Variants in KIF13A observed in about 807,000 individuals in gnomAD.
The protein encoded by KIF13A is kinesin family member 13A.
KIF13A carries 79 observed loss-of-function variants against 212.2 expected under a neutral mutation model. The observed-to-expected ratio is 0.37, with a 90% confidence interval of 0.31 to 0.45. KIF13A has a LOEUF of 0.45. KIF13A is among the 20% of genes least tolerant of loss of function. KIF13A has a pLI of 1.00. For missense variants in KIF13A, 1,901 were observed against 2,209.0 expected, an observed-to-expected ratio of 0.86 and a Z score of 2.79; for synonymous variants, 789 against 808.6, an observed-to-expected ratio of 0.98 and a Z score of 0.41.
chr6:17,881,935 G>A (rs1222975542), intron 3 of KIF13A: 1 of 445,384 alleles, frequency 2.2e-6, no homozygotes, highest in South Asian at 1.6e-5. Flanking sequence ...GACTGAGGTT[G>A]CAGTGAGCTG....
chr6:17,954,144 C>T (rs1778130330), intron 2 of KIF13A, among the ~76,000 whole-genome samples: 1 of 151,196 alleles, frequency 6.6e-6, no homozygotes, highest in African/African-American at 2.4e-5. Context: ...CTAAAAATAC[C>T]AAAAAAATTA....
At chr6:17,981,290 C>A (rs973667438) in intron 2 of KIF13A, among the ~76,000 whole-genome samples, 21 of 151,684 alleles carry the variant, frequency 1.4e-4, no homozygotes, top group Middle Eastern at 6.8e-3. Context: ...TTTTTCATAA[C>A]CTTTGAAATA....
intron 2 of KIF13A, among the ~76,000 whole-genome samples, chr6:17,970,499 T>C (rs1296506400): frequency 6.6e-6 from 1 of 152,162 alleles, no homozygotes; most frequent in Non-Finnish European, 1.5e-5. Flanking sequence ...CCAATGGCAG[T>C]GTGAAAGTAA....
chr6:17,987,313 C>A lies in KIF13A; in HGVS notation c.55+96G>T. ...CGCCGCCTCCGCCCCGGCCCCCCGG[C>A]CCCGGCCGCGCTCTCGCCGTCCCGG... On this transcript the variant is annotated intron_variant, in intron 1 of 38. Coordinates refer to ENST00000259711, the MANE Select transcript of KIF13A (RefSeq NM_022113.6). The surrounding 1 kb of genome is among the most constrained non-coding windows in gnomAD (Gnocchi z 7.7). 1 of 992,506 alleles carries A rather than the reference C, an allele frequency of 1.0e-6. No individual in the cohort carries two copies. The highest frequency in any genetic ancestry group is 1.3e-6 in the Non-Finnish European group (1 of 760,214). The allele number at this position is 992,506 out of a possible 1,614,324, so 61.5% of individuals were successfully genotyped here. A position where few individuals can be genotyped will look rare whatever the true frequency, so the allele number is the denominator to read the frequency against.
Position 17,804,452 on chromosome 6 carries a change from T to C in KIF13A, c.2363A>G (p.Asn788Ser), listed in dbSNP as rs377522532. ...DPFYEAQENH[N>S]LIGVANVFLE... ...GAATACATTCGCCACCCCGATGAGG[T>C]TGTGATTTTCTTGGGCTTCATAGAA... The change falls in exon 20 of 39, where the codon AAC becomes AGC. Residue 788 changes from asparagine to serine, a missense_variant. Around this residue, in one of 5 missense-constraint regions of KIF13A, gnomAD observed 534 missense variants for 536.9 expected, o/e 0.99. Coordinates refer to ENST00000259711, the MANE Select transcript of KIF13A (RefSeq NM_022113.6). 8.8e-6 allele frequency: 14 copies of C among 1,587,560 alleles called. No individual in the cohort carries two copies. Among genetic ancestry groups the C allele is most frequent in the South Asian group, 1.2e-5 (1 of 86,730 alleles).
chr6:17,899,803 A>C lies in KIF13A; in HGVS notation c.147-1623T>G, dbSNP rs1219685104. On this transcript the variant is annotated intron_variant, in intron 2 of 38. Transcript: ENST00000259711. This position sits in a 1 kb window ranked among gnomAD's most constrained non-coding sequence, Gnocchi z 5.2. ...TTGTATGTCTACCCTTTAAAACAAG[A>C]TAAACATTTATAGAGGTTATAAATA... 6.6e-6 allele frequency among the ~76,000 whole-genome samples: 1 copy of C among 152,224 alleles called. No individual in the cohort carries two copies. The highest frequency in any genetic ancestry group is 2.4e-5 in the African/African-American group (1 of 41,458).
rs1013192230 is a variant in KIF13A, at chr6:17,938,147, G to A, written c.147-39967C>T. Among the ~76,000 whole-genome samples, 11 of 152,182 alleles carry A rather than the reference G, an allele frequency of 7.2e-5. 1 individual carries two copies. In the East Asian group the frequency reaches 1.5e-3, roughly 21 times the overall value. The stretch of plus-strand genomic sequence containing the variant: ...TGGCCTCAAGTGATCTTCTCACCTA[G>A]GCCTCCCAAAGTGCTGGGATTACAG... On this transcript the variant is annotated intron_variant, in intron 2 of 38. Transcript: ENST00000259711.
intron 2 of KIF13A, among the ~76,000 whole-genome samples, chr6:17,975,653 G>A (rs543926616): frequency 3.9e-5 from 6 of 152,286 alleles, no homozygotes; most frequent in African/African-American, 1.4e-4. Flanking sequence ...CCTGCTGATT[G>A]GTAGAGCCCA....
chr6:17,842,848 A>G (rs1313826802), intron 9 of KIF13A, among the ~76,000 whole-genome samples: 2 of 152,260 alleles, frequency 1.3e-5, no homozygotes, highest in Middle Eastern at 6.8e-3. Context: ...AAACCGAGTT[A>G]TAATCCAACT....
At position 17,771,486 on chromosome 6, in the gene KIF13A, G is replaced by T; in HGVS notation, c.4477-268C>A. The T allele has an allele frequency of 2.3e-6, 1 of 433,362 alleles. No individual in the cohort carries two copies. 26.8% of individuals were successfully genotyped at this position (433,362 alleles called of 1,614,324 possible). Reference sequence around the variant, plus strand: ...TCATGCCTGCAATCCCAGTGCCTTGGGAGGCTGGGGCAAAAGAATCACTTG... The same window carrying T: ...TCATGCCTGCAATCCCAGTGCCTTGTGAGGCTGGGGCAAAAGAATCACTTG... On this transcript the variant is annotated intron_variant, in intron 37 of 38. Coordinates refer to ENST00000259711, the MANE Select transcript of KIF13A (RefSeq NM_022113.6). The surrounding 1 kb of genome is among the most constrained non-coding windows in gnomAD (Gnocchi z 5.4).
At chr6:17,796,874 T>G (rs1009562369) in intron 22 of KIF13A, 54 bp from the exon 23 acceptor site, 12 of 1,272,450 alleles carry the variant, frequency 9.4e-6, no homozygotes, top group Middle Eastern at 2.0e-4. Flanking sequence ...TCTGTGAAAT[T>G]TCCTTTTGAC....
At chr6:17,765,049 G>GT in intron 38 of KIF13A, 103 bp from the exon 39 acceptor site, 1 of 851,826 alleles carries the variant, frequency 1.2e-6, no homozygotes, top group Non-Finnish European at 1.8e-6. Context: ...CATTCACATG[G>GT]TGTTCAGTGT....
chr6:17,919,330 T>C lies in KIF13A; in HGVS notation c.147-21150A>G, dbSNP rs1774833312. On this transcript the variant is annotated intron_variant, in intron 2 of 38. Coordinates refer to ENST00000259711, the MANE Select transcript of KIF13A (RefSeq NM_022113.6). The surrounding 1 kb of genome is among the most constrained non-coding windows in gnomAD (Gnocchi z 4.1). Reference sequence around the variant, plus strand: ...GGCCAGTCTTGCACAGGTAAAGTACTATGTACTTAATGCTGCTAAAATAAG... The same window carrying C: ...GGCCAGTCTTGCACAGGTAAAGTACCATGTACTTAATGCTGCTAAAATAAG... 6.6e-6 allele frequency among the ~76,000 whole-genome samples: 1 copy of C among 152,206 alleles called. No individual in the cohort carries two copies. Among genetic ancestry groups the C allele is most frequent in the African/African-American group, 2.4e-5 (1 of 41,444 alleles).
Position 17,811,742 on chromosome 6 carries a change from C to T in KIF13A, c.2001-2812G>A, listed in dbSNP as rs567071905. Among the ~76,000 whole-genome samples, 2 of 152,336 alleles carry T rather than the reference C, an allele frequency of 1.3e-5. No individual in the cohort carries two copies. Among genetic ancestry groups the T allele is most frequent in the Non-Finnish European group, 2.9e-5 (2 of 68,026 alleles). Reference sequence around the variant, plus strand: ...TTTATCCAGTGAAACCTGACAAAATCAATAATGCAACTATTCTTGTCTTTG... The same window carrying T: ...TTTATCCAGTGAAACCTGACAAAATTAATAATGCAACTATTCTTGTCTTTG... On this transcript the variant is annotated intron_variant, in intron 17 of 38. Coordinates refer to ENST00000259711, the MANE Select transcript of KIF13A (RefSeq NM_022113.6). This position sits in a 1 kb window ranked among gnomAD's most constrained non-coding sequence, Gnocchi z 6.0.
rs558483230 is a variant in KIF13A, at chr6:17,915,791, G to A, written c.147-17611C>T. Among the ~76,000 whole-genome samples, 9 of 151,958 alleles carry A rather than the reference G, an allele frequency of 5.9e-5. No homozygotes were observed. The highest frequency in any genetic ancestry group is 1.9e-4 in the East Asian group (1 of 5,160). On this transcript the variant is annotated intron_variant, in intron 2 of 38. Coordinates refer to ENST00000259711, the MANE Select transcript of KIF13A (RefSeq NM_022113.6). This position sits in a 1 kb window ranked among gnomAD's most constrained non-coding sequence, Gnocchi z 4.4. ...AGCCTGGGCAACATGACAAAACACC[G>A]TCTCTACTAAAAAGACAAAAATTAG... is the stretch of plus-strand genomic sequence containing the variant.
intron 2 of KIF13A, among the ~76,000 whole-genome samples, chr6:17,921,141 G>A (rs1297517419): frequency 6.6e-6 from 1 of 152,208 alleles, no homozygotes; most frequent in Non-Finnish European, 1.5e-5. Flanking sequence ...GTAGTTCAGA[G>A]TAGGGGGTCC....
rs1318437587 is a variant in KIF13A at position 17,872,466 on chromosome 6, C to A, written c.220+911G>T. Among the ~76,000 whole-genome samples the A allele has an allele frequency of 6.6e-6, 1 of 152,046 alleles. No homozygotes were observed. The highest frequency in any genetic ancestry group is 2.4e-5 in the African/African-American group (1 of 41,376). ...ATAGTTAATAACAACGTACTGTATT[C>A]CTGAAAATTGCTAACTGAGTAGACT... On this transcript the variant is annotated intron_variant, in intron 4 of 38. Transcript: ENST00000259711. The surrounding 1 kb of genome is among the most constrained non-coding windows in gnomAD (Gnocchi z 4.7).
At chr6:17,889,786 C>T (rs567080733) in intron 3 of KIF13A, among the ~76,000 whole-genome samples, 2 of 152,110 alleles carry the variant, frequency 1.3e-5, no homozygotes, top group African/African-American at 2.4e-5. Context: ...AAGCTCTCCC[C>T]CTGGACGGTT....
At chr6:17,944,441 C>T (rs1360193066) in intron 2 of KIF13A, among the ~76,000 whole-genome samples, 1 of 152,104 alleles carries the variant, frequency 6.6e-6, no homozygotes, top group Non-Finnish European at 1.5e-5. Flanking sequence ...TATCTAGCTG[C>T]ACTAATAAAC....
Sources: allele counts gnomAD v4.1 joint callset (sites outside exome capture counted in the v4.1 genomes callset), GRCh38; gene constraint gnomAD v4.1.1; regional missense constraint gnomAD v4.1.1; non-coding constraint Gnocchi (gnomAD v3.1); transcripts MANE v1.5; gene names NCBI Gene and HGNC (gene_info 2026-07-23, HGNC 2026-07-21).